The following QTMAN variants were observed in gnomAD, a reference collection of about 807,000 sequenced individuals.
The protein encoded by QTMAN is queuosine-tRNA mannosyltransferase, also known as tRNA-queuosine alpha-mannosyltransferase.
the QTMAN span, among the ~76,000 whole-genome samples, chr2:144,308,443 G>A: frequency 6.6e-6 from 1 of 151,990 alleles, no homozygotes; most frequent in Non-Finnish European, 1.5e-5. Context: ...GGGATTACAG[G>A]CGTGAGCCAC....
At chr2:144,301,578 T>G in the QTMAN span, among the ~76,000 whole-genome samples, 1 of 152,218 alleles carries the variant, frequency 6.6e-6, no homozygotes, top group Non-Finnish European at 1.5e-5. Flanking sequence ...ATTTATTTCC[T>G]AAATAGCATT....
At chr2:143,989,280 A>G in the QTMAN span, among the ~76,000 whole-genome samples, 1 of 152,064 alleles carries the variant, frequency 6.6e-6, no homozygotes, top group Non-Finnish European at 1.5e-5. Context: ...TAATAAATCC[A>G]TTCATAGAAC....
At chr2:144,274,355 G>C in the QTMAN span, among the ~76,000 whole-genome samples, 1 of 152,148 alleles carries the variant, frequency 6.6e-6, no homozygotes, top group Non-Finnish European at 1.5e-5. Flanking sequence ...TGTGATAGGA[G>C]CATCTATTGT....
the QTMAN span, among the ~76,000 whole-genome samples, chr2:144,288,036 G>T: frequency 2.0e-5 from 3 of 151,728 alleles, no homozygotes; most frequent in Admixed American, 6.6e-5. Context: ...TGTATTTTTA[G>T]TAGAGACGGG....
the QTMAN span, among the ~76,000 whole-genome samples, chr2:144,215,243 A>AT: frequency 4.5e-3 from 672 of 147,952 alleles, 9 homozygotes; most frequent in African/African-American, 0.016. Flanking sequence ...TCCTGTCTTT[A>AT]TTTTTTAAAA....
At chr2:143,980,995 T>C in the QTMAN span, among the ~76,000 whole-genome samples, 1 of 152,226 alleles carries the variant, frequency 6.6e-6, no homozygotes, top group Non-Finnish European at 1.5e-5. Context: ...ACACATTCTC[T>C]TTTCTTCTCT....
the QTMAN span, among the ~76,000 whole-genome samples, chr2:144,269,186 A>T: frequency 6.6e-6 from 1 of 152,212 alleles, no homozygotes; most frequent in Non-Finnish European, 1.5e-5. Context: ...CTGATATTTG[A>T]TTTAAATAAG....
At chr2:144,269,386 A>C in the QTMAN span, among the ~76,000 whole-genome samples, 1 of 152,186 alleles carries the variant, frequency 6.6e-6, no homozygotes, top group Non-Finnish European at 1.5e-5. Context: ...TTCTGCTTGT[A>C]CCTCAATTGC....
the QTMAN span, among the ~76,000 whole-genome samples, chr2:144,020,353 G>C: frequency 2.1e-3 from 326 of 152,296 alleles, 4 homozygotes; most frequent in African/African-American, 7.5e-3. Context: ...GCTGAATATT[G>C]AAAGAAGCAC....
chr2:144,084,108 A>G, the QTMAN span, among the ~76,000 whole-genome samples: 1 of 152,186 alleles, frequency 6.6e-6, no homozygotes, highest in Non-Finnish European at 1.5e-5. Flanking sequence ...ATTCCAGTCA[A>G]AGGTCCAAAC....
chr2:144,161,529 A>C, the QTMAN span, among the ~76,000 whole-genome samples: 12 of 152,202 alleles, frequency 7.9e-5, no homozygotes, highest in African/African-American at 2.9e-4. Flanking sequence ...TACATGTATG[A>C]CTAGGGAGGA....
the QTMAN span, among the ~76,000 whole-genome samples, chr2:144,323,831 A>G: frequency 6.6e-6 from 1 of 152,172 alleles, no homozygotes; most frequent in African/African-American, 2.4e-5. Flanking sequence ...TTTAATCCTC[A>G]CCCTAAACCT....
the QTMAN span, among the ~76,000 whole-genome samples, chr2:143,981,685 T>C: frequency 6.6e-6 from 1 of 152,166 alleles, no homozygotes; most frequent in Non-Finnish European, 1.5e-5. Flanking sequence ...GACACAGAGA[T>C]CTCATAGAAG....
chr2:144,284,314 A>G, the QTMAN span, among the ~76,000 whole-genome samples: 1 of 152,058 alleles, frequency 6.6e-6, no homozygotes, highest in Admixed American at 6.5e-5. Context: ...ATTCATCACA[A>G]CATTATGTCT....
At chr2:143,965,108 T>A in the QTMAN span, among the ~76,000 whole-genome samples, 4 of 152,092 alleles carry the variant, frequency 2.6e-5, no homozygotes. Context: ...GACCTTATCA[T>A]GAGAATTGGC....
At chr2:143,984,875 C>T in the QTMAN span, among the ~76,000 whole-genome samples, 1 of 152,162 alleles carries the variant, frequency 6.6e-6, no homozygotes, top group African/African-American at 2.4e-5. Context: ...TTCCACAACT[C>T]AATAAAGTCC....
chr2:143,957,110 T>C, the QTMAN span: 1 of 1,053,410 alleles, frequency 9.5e-7, no homozygotes, highest in South Asian at 2.0e-5. Context: ...TGAATTTTAA[T>C]GTATTATTTG....
chr2:144,299,285 C>T, the QTMAN span, among the ~76,000 whole-genome samples: 2 of 152,174 alleles, frequency 1.3e-5, no homozygotes, highest in South Asian at 2.1e-4. Context: ...ATCTTCCCCC[C>T]CAACACCCCC....
At chr2:144,133,151 A>ATATATATATATATATAATATATAT in the QTMAN span, among the ~76,000 whole-genome samples, 1 of 51,394 alleles carries the variant, frequency 1.9e-5, no homozygotes, top group African/African-American at 9.0e-5. Context: ...ATATATATAT[A>ATATATATATATATATAATATATAT]ATATAATATA....
Sources: gnomAD v4.1 joint callset for allele counts (sites outside exome capture counted in the v4.1 genomes callset) on GRCh38, gnomAD v4.1.1 for gene constraint, MANE v1.5 for transcripts, NCBI Gene and HGNC (gene_info 2026-07-23, HGNC 2026-07-21) for gene names.